CNTNAP2: variants seen among roughly 807,000 people sequenced by gnomAD.
CNTNAP2 encodes the protein contactin-associated protein-like 2.
CNTNAP2 carries 98 observed loss-of-function variants against 155.2 expected under a neutral mutation model. The observed-to-expected ratio is 0.63, with a 90% CI of 0.54 to 0.75. CNTNAP2 has a LOEUF of 0.75. Among genes scored for constraint, CNTNAP2 ranks in the 30% least tolerant of loss-of-function variants. CNTNAP2 has a pLI of 0.00. For synonymous variants in CNTNAP2, 651 were observed against 631.2 expected (o/e 1.03, Z -0.47); for missense variants, 1,727 against 1,688.1 (o/e 1.02, Z -0.40).
intron 1 of CNTNAP2, among the ~76,000 whole-genome samples, chr7:146,330,369 A>G (rs1422723489): frequency 6.6e-6 from 1 of 152,084 alleles, no homozygotes; most frequent in Non-Finnish European, 1.5e-5. Flanking sequence ...ACTGTTTTAG[A>G]TTCTGGAAGC....
intron 2 of CNTNAP2, among the ~76,000 whole-genome samples, chr7:146,789,014 A>G (rs1214676745): frequency 3.9e-5 from 6 of 152,164 alleles, no homozygotes. Flanking sequence ...CAGAGCTGAT[A>G]TTCACAAATG....
At chr7:147,138,611 A>G (rs988337324) in intron 8 of CNTNAP2, among the ~76,000 whole-genome samples, 23 of 152,038 alleles carry the variant, frequency 1.5e-4, no homozygotes, top group South Asian at 6.2e-4. Context: ...CACATTTTTC[A>G]TCAATAGAAG....
intron 15 of CNTNAP2, among the ~76,000 whole-genome samples, chr7:148,087,766 C>A (rs1476491014): frequency 6.6e-6 from 1 of 152,054 alleles, no homozygotes; most frequent in Non-Finnish European, 1.5e-5. Flanking sequence ...CTATTAAAGT[C>A]CAAAATCTGG....
At chr7:147,771,809 G>T (rs183656445) in intron 13 of CNTNAP2, among the ~76,000 whole-genome samples, 349 of 151,478 alleles carry the variant, frequency 2.3e-3, no homozygotes, top group Middle Eastern at 6.8e-3. Context: ...TCTTAATGTT[G>T]ACATAAATTT....
chr7:147,677,221 C>T (rs980741393), intron 13 of CNTNAP2, among the ~76,000 whole-genome samples: 12 of 151,772 alleles, frequency 7.9e-5, no homozygotes, highest in African/African-American at 2.9e-4. Context: ...GAGGTCATGT[C>T]ACATTGTAGT....
chr7:147,453,008 GAAGAAAA>G, intron 10 of CNTNAP2, among the ~76,000 whole-genome samples: 1 of 151,688 alleles, frequency 6.6e-6, no homozygotes, highest in African/African-American at 2.4e-5. Context: ...AGGGAGAAAG[GAAGAAAA>G]AAGAGAAAGG....
intron 15 of CNTNAP2, among the ~76,000 whole-genome samples, chr7:148,005,949 C>T (rs1472817751): frequency 6.6e-6 from 1 of 152,030 alleles, no homozygotes; most frequent in Non-Finnish European, 1.5e-5. Flanking sequence ...ATTCACAGTC[C>T]CTGCTTTCAA....
chr7:146,730,503 T>C (rs1302779935), intron 1 of CNTNAP2, among the ~76,000 whole-genome samples: 2 of 152,208 alleles, frequency 1.3e-5, no homozygotes, highest in African/African-American at 2.4e-5. Flanking sequence ...CTTGTAATTA[T>C]ACAGTATGCC....
At chr7:147,630,340 G>T (rs1236742947) in intron 12 of CNTNAP2, among the ~76,000 whole-genome samples, 1 of 63,944 alleles carries the variant, frequency 1.6e-5, no homozygotes, top group South Asian at 5.2e-4. Flanking sequence ...AAAAAAAAAA[G>T]CCAACAAAAA....
At chr7:147,796,812 G>A (rs1210083401) in intron 13 of CNTNAP2, among the ~76,000 whole-genome samples, 1 of 152,108 alleles carries the variant, frequency 6.6e-6, no homozygotes, top group Non-Finnish European at 1.5e-5. Context: ...ATGCCCTCCT[G>A]CAGCACATTT....
chr7:146,926,450 T>C (rs1162095414), intron 3 of CNTNAP2, among the ~76,000 whole-genome samples: 1 of 152,152 alleles, frequency 6.6e-6, no homozygotes, highest in African/African-American at 2.4e-5. Flanking sequence ...AACTTTTCCA[T>C]GAATTAGACT....
At chr7:147,807,621 T>A (rs1055491796) in intron 13 of CNTNAP2, among the ~76,000 whole-genome samples, 1 of 152,190 alleles carries the variant, frequency 6.6e-6, no homozygotes, top group African/African-American at 2.4e-5. Flanking sequence ...TTAAAGTGAT[T>A]ATATTTCTTA....
At chr7:146,658,985 C>T (rs1020653055) in intron 1 of CNTNAP2, among the ~76,000 whole-genome samples, 1 of 152,178 alleles carries the variant, frequency 6.6e-6, no homozygotes, top group African/African-American at 2.4e-5. Context: ...TCCCCTGCAG[C>T]TACTGGAGAC....
At chr7:146,241,022 G>C (rs1163757983) in intron 1 of CNTNAP2, among the ~76,000 whole-genome samples, 1 of 152,054 alleles carries the variant, frequency 6.6e-6, no homozygotes, top group Admixed American at 6.6e-5. Context: ...ATGTGGTGGG[G>C]GAGTGCCACA....
At chr7:146,226,468 G>C (rs1191803077) in intron 1 of CNTNAP2, among the ~76,000 whole-genome samples, 1 of 152,074 alleles carries the variant, frequency 6.6e-6, no homozygotes, top group Non-Finnish European at 1.5e-5. Context: ...AGACCAGCCT[G>C]GGCTATATAG....
intron 1 of CNTNAP2, among the ~76,000 whole-genome samples, chr7:146,449,704 A>G (rs1796450643): frequency 6.6e-6 from 1 of 152,178 alleles, no homozygotes; most frequent in African/African-American, 2.4e-5. Flanking sequence ...TTAAGATGGC[A>G]CCTTAGACAG....
chr7:147,730,802 G>A (rs1281171625), intron 13 of CNTNAP2, among the ~76,000 whole-genome samples: 2 of 152,070 alleles, frequency 1.3e-5, no homozygotes, highest in Non-Finnish European at 2.9e-5. Context: ...ATACCAAACA[G>A]CCAAGGTGTG....
chr7:147,527,075 T>C (rs1165177281), intron 11 of CNTNAP2, among the ~76,000 whole-genome samples: 2 of 132,752 alleles, frequency 1.5e-5, no homozygotes, highest in African/African-American at 5.9e-5. Context: ...TGGGCTGGAG[T>C]GCAGTGGTGT....
At chr7:148,153,365 G>A (rs1040012140) in intron 17 of CNTNAP2, among the ~76,000 whole-genome samples, 16 of 152,042 alleles carry the variant, frequency 1.1e-4, no homozygotes, top group Admixed American at 9.8e-4. Context: ...AGATTATTCT[G>A]GTTTAATCAA....
Sources: allele counts gnomAD v4.1 joint callset (sites outside exome capture counted in the v4.1 genomes callset), GRCh38; gene constraint gnomAD v4.1.1; transcripts MANE v1.5; gene names NCBI Gene and HGNC (gene_info 2026-07-23, HGNC 2026-07-21).